The following GRXCR1 variants were observed in gnomAD, a reference collection of about 807,000 sequenced individuals.
GRXCR1 encodes glutaredoxin domain-containing cysteine-rich protein 1.
A neutral mutation model predicts 27.3 loss-of-function variants in GRXCR1; 27 were observed. The observed-to-expected ratio is 0.99, with a 90% CI of 0.73 to 1.37. The LOEUF is 1.37. GRXCR1 is among the 40% of genes most tolerant of loss of function. GRXCR1 has a pLI of 0.00. For synonymous variants in GRXCR1, 122 were observed against 131.1 expected (o/e 0.93, Z 0.47); for missense variants, 379 against 354.4 (o/e 1.07, Z -0.56).
At chr4:43,023,786 G>T (rs1215327046) in intron 3 of GRXCR1, among the ~76,000 whole-genome samples, 1 of 152,146 alleles carries the variant, frequency 6.6e-6, no homozygotes, top group Non-Finnish European at 1.5e-5. Flanking sequence ...TTCATCCAAA[G>T]CTTTTTTGGA....
intron 1 of GRXCR1, among the ~76,000 whole-genome samples, chr4:42,936,491 A>T (rs1182975988): frequency 1.3e-5 from 2 of 151,878 alleles, no homozygotes; most frequent in African/African-American, 4.8e-5. Flanking sequence ...TAGTACAAGG[A>T]GTTTCCATAT....
rs1428672041 is a variant in GRXCR1 at position 42,893,692 on chromosome 4, C to T, written c.384+42C>T. 3 of 1,591,536 alleles carry T rather than the reference C, an allele frequency of 1.9e-6. No individual in the cohort carries two copies. In the African/African-American group the frequency reaches 4.0e-5, roughly 21 times the overall value. ...TCCTTCTCCTGCTCTTTGTTCCTAA[C>T]TCACCATCTGAACACCTCTCAGTTC... On this transcript the variant is annotated intron_variant, in intron 1 of 3. Transcript: ENST00000399770.
chr4:42,931,655 G>T (rs773874672), intron 1 of GRXCR1, among the ~76,000 whole-genome samples: 6 of 151,534 alleles, frequency 4.0e-5, no homozygotes, highest in African/African-American at 1.5e-4. Context: ...TTTGAAATAC[G>T]TATACGTTGT....
chr4:42,980,001 A>G (rs944717621), intron 2 of GRXCR1, among the ~76,000 whole-genome samples: 21 of 152,008 alleles, frequency 1.4e-4, no homozygotes, highest in African/African-American at 4.6e-4. Flanking sequence ...TCTTGTATCA[A>G]TTGTAACATC....
At chr4:43,014,393 C>T (rs1444164570) in intron 2 of GRXCR1, among the ~76,000 whole-genome samples, 2 of 152,102 alleles carry the variant, frequency 1.3e-5, no homozygotes, top group African/African-American at 4.8e-5. Context: ...GTAGTCACAG[C>T]AACAAACATT....
At chr4:42,917,644 T>C (rs373596841) in intron 1 of GRXCR1, among the ~76,000 whole-genome samples, 9 of 152,110 alleles carry the variant, frequency 5.9e-5, no homozygotes, top group Admixed American at 2.0e-4. Context: ...CTTTTTAGAG[T>C]TCCTGAGATA....
intron 1 of GRXCR1, among the ~76,000 whole-genome samples, chr4:42,946,976 C>T (rs1037436646): frequency 3.3e-5 from 5 of 152,028 alleles, no homozygotes; most frequent in Admixed American, 1.3e-4. Context: ...AGATGGGCAG[C>T]GCACAACCCA....
intron 2 of GRXCR1, among the ~76,000 whole-genome samples, chr4:43,018,548 C>T (rs1384251464): frequency 2.6e-5 from 4 of 152,034 alleles, no homozygotes; most frequent in African/African-American, 9.7e-5. Flanking sequence ...TTGGCATATG[C>T]GTTGTACTCT....
At chr4:42,969,113 C>A (rs1748320209) in intron 2 of GRXCR1, among the ~76,000 whole-genome samples, 1 of 151,998 alleles carries the variant, frequency 6.6e-6, no homozygotes, top group African/African-American at 2.4e-5. Context: ...TTTGTTGTTT[C>A]TGTATGGGAG....
At chr4:42,922,868 C>G (rs1450748157) in intron 1 of GRXCR1, among the ~76,000 whole-genome samples, 1 of 152,050 alleles carries the variant, frequency 6.6e-6, no homozygotes, top group Non-Finnish European at 1.5e-5. Flanking sequence ...CTGTGGTACT[C>G]ACTTCACCTA....
At chr4:42,931,656 T>G (rs1032000385) in intron 1 of GRXCR1, among the ~76,000 whole-genome samples, 1 of 151,946 alleles carries the variant, frequency 6.6e-6, no homozygotes, top group African/African-American at 2.4e-5. Context: ...TTGAAATACG[T>G]ATACGTTGTG....
chr4:42,932,619 TAGAG>T (rs762758381), intron 1 of GRXCR1, among the ~76,000 whole-genome samples: 674 of 22,410 alleles, frequency 0.03, 13 homozygotes, highest in Non-Finnish European at 0.034. Context: ...TATATATATA[TAGAG>T]AGAGAGAGAG....
At chr4:42,981,508 T>G (rs1389491666) in intron 2 of GRXCR1, among the ~76,000 whole-genome samples, 1 of 152,206 alleles carries the variant, frequency 6.6e-6, no homozygotes, top group Non-Finnish European at 1.5e-5. Flanking sequence ...ATATCTGAAT[T>G]TCATGTATAC....
intron 2 of GRXCR1, among the ~76,000 whole-genome samples, chr4:42,996,431 T>A (rs116272783): frequency 0.01 from 1,598 of 152,294 alleles, 18 homozygotes; most frequent in African/African-American, 0.022. Context: ...TAGTAAGTCA[T>A]CTTTAACTTT....
intron 1 of GRXCR1, among the ~76,000 whole-genome samples, chr4:42,906,802 A>T (rs1449101358): frequency 6.6e-6 from 1 of 152,214 alleles, no homozygotes; most frequent in African/African-American, 2.4e-5. Flanking sequence ...CAAATTTACA[A>T]GGTAAATATT....
At chr4:43,030,105 T>A (rs1439340905) in intron 3 of GRXCR1, among the ~76,000 whole-genome samples, 1 of 152,180 alleles carries the variant, frequency 6.6e-6, no homozygotes, top group Non-Finnish European at 1.5e-5. Flanking sequence ...TTATGTGCCC[T>A]TCAACCTAAA....
intron 1 of GRXCR1, among the ~76,000 whole-genome samples, chr4:42,932,479 G>GGT (rs1298026619): frequency 3.4e-5 from 5 of 146,054 alleles, no homozygotes; most frequent in Middle Eastern, 3.6e-3. Flanking sequence ...ATGCAGCCAT[G>GGT]GTCTCTTAGC....
At chr4:42,983,867 A>T in intron 2 of GRXCR1, among the ~76,000 whole-genome samples, 1 of 137,766 alleles carries the variant, frequency 7.3e-6, no homozygotes, top group Admixed American at 7.7e-5. Flanking sequence ...ACAGAGTCTC[A>T]CTCTGTCACC....
At chr4:43,013,883 A>T (rs9968257) in intron 2 of GRXCR1, among the ~76,000 whole-genome samples, 14,744 of 152,102 alleles carry the variant, frequency 0.097, 1,491 homozygotes, top group African/African-American at 0.26. Context: ...ACCCTTGCGA[A>T]CATCTAGTTT....
Sources: allele counts gnomAD v4.1 joint callset (sites outside exome capture counted in the v4.1 genomes callset), GRCh38; gene constraint gnomAD v4.1.1; transcripts MANE v1.5; gene names NCBI Gene and HGNC (gene_info 2026-07-23, HGNC 2026-07-21).